Variants in GMEB2 observed in about 807,000 individuals in gnomAD.
GMEB2 encodes glucocorticoid modulatory element-binding protein 2.
GMEB2 carries 7 observed loss-of-function variants against 45.7 expected under a neutral mutation model. The observed-to-expected ratio is 0.15, with a 90% CI of 0.09 to 0.29. The LOEUF (loss-of-function observed/expected upper bound fraction) is 0.29, where lower values mean the gene tolerates loss of function less well. Among genes scored for constraint, GMEB2 ranks in the 10% least tolerant of loss-of-function variants. The pLI is 1.00. For synonymous variants in GMEB2, 322 were observed against 323.6 expected (o/e 1.00, Z 0.05); for missense variants, 582 against 739.2 (o/e 0.79, Z 2.47).
rs552138729 is a variant in GMEB2 at position 63,606,181 on chromosome 20, T to C, written c.132-1341A>G. On this transcript the variant is annotated intron_variant, in intron 2 of 9. Coordinates refer to ENST00000370077, the MANE Select transcript of GMEB2 (RefSeq NM_012384.5). ...AAATTGTAGACAAAAGGGTAAAAGA[T>C]GAAACCATAAAAGTATTAGAAGGAA... Among the ~76,000 whole-genome samples the C allele has an allele frequency of 2.0e-5, 3 of 152,196 alleles. No individual in the cohort carries two copies. The South Asian group carries it at 6.2e-4, about 32-fold the overall frequency.
Position 63,597,739 on chromosome 20 carries a change from CCCTGCGCCAGCGCCCA to C in GMEB2, c.461+2_461+17del. 7.0e-7 allele frequency: 1 copy of C among 1,418,558 alleles called. No individual in the cohort carries two copies. The highest frequency in any genetic ancestry group is 1.0e-6 in the Non-Finnish European group (1 of 1,001,728). The allele number at this position is 1,418,558 out of a possible 1,614,324, so 87.9% of individuals were successfully genotyped here. A position where few individuals can be genotyped will look rare whatever the true frequency, so the allele number is the denominator to read the frequency against. ...GGGCCCCTTCCAGCAGGGAGGCTGACCCTGCGCCAGCGCCCACCTGAGCATGATGCCGTTCATGCGG... is the reference window on the plus strand; with the variant it reads ...GGGCCCCTTCCAGCAGGGAGGCTGACCCTGAGCATGATGCCGTTCATGCGG... On this transcript the variant is annotated splice_donor_variant and splice_donor_5th_base_variant and intron_variant, in intron 5 of 9. Coordinates refer to ENST00000370077, the MANE Select transcript of GMEB2 (RefSeq NM_012384.5). LOFTEE classifies it high-confidence loss of function.
In GMEB2 at chr20:63,590,058, G is replaced by A; in HGVS notation, c.*31C>T. 1.3e-6 allele frequency: 2 copies of A among 1,489,290 alleles called. No individual in the cohort carries two copies. Among genetic ancestry groups the A allele is most frequent in the Non-Finnish European group, 8.9e-7 (1 of 1,123,064 alleles). The allele number at this position is 1,489,290 out of a possible 1,614,324, so 92.3% of individuals were successfully genotyped here. On this transcript the variant is annotated 3_prime_UTR_variant, in exon 10 of 10. Transcript: ENST00000370077. ...CCGCGGCTGAGAGACAGCCAGCCCT[G>A]TCCGTCCCAGGGGCCTCGCCCTCCT... is the stretch of plus-strand genomic sequence containing the variant.
chr20:63,590,464 C>T lies in GMEB2; in HGVS notation c.1218G>A (p.Pro406=), dbSNP rs368204390. Residue 406 remains proline, a synonymous_variant, in exon 10 of 10, where the codon CCG becomes CCA. Transcript: ENST00000370077. ...VPLGKVVSTL[P]STVLGKGSLQ... is the part of the protein sequence containing the mutation. Reference sequence around the variant, plus strand: ...GGGAACCCTTGCCCAGGACGGTGGACGGCAGGGTGGACACCACTTTACCAA... The same window carrying T: ...GGGAACCCTTGCCCAGGACGGTGGATGGCAGGGTGGACACCACTTTACCAA... The T allele has an allele frequency of 1.5e-5, 22 of 1,514,004 alleles. No individual in the cohort carries two copies. The highest frequency in any genetic ancestry group is 1.7e-5 in the Non-Finnish European group (19 of 1,125,114). The allele number at this position is 1,514,004 out of a possible 1,614,324, so 93.8% of individuals were successfully genotyped here. A position where few individuals can be genotyped will look rare whatever the true frequency, so the allele number is the denominator to read the frequency against.
intron 2 of GMEB2, among the ~76,000 whole-genome samples, chr20:63,609,471 A>G (rs544454242): frequency 9.6e-4 from 60 of 62,446 alleles, no homozygotes; most frequent in South Asian, 7.4e-3. Context: ...TTCTAGAAAC[A>G]TGTCCCTCTG....
chr20:63,601,877 C>T (rs1410153060), intron 4 of GMEB2, among the ~76,000 whole-genome samples: 1 of 131,304 alleles, frequency 7.6e-6, no homozygotes, highest in African/African-American at 3.0e-5. Context: ...GGCTTCCGTG[C>T]TGCCTGTGGC....
intron 9 of GMEB2, 92 bp downstream of exon 9, chr20:63,591,930 T>A: frequency 1.8e-6 from 2 of 1,113,690 alleles, no homozygotes; most frequent in Non-Finnish European, 1.3e-6. Flanking sequence ...CTCCAGGAAG[T>A]GCAGGTGGAT....
intron 2 of GMEB2, among the ~76,000 whole-genome samples, chr20:63,617,592 C>T (rs895680014): frequency 6.6e-6 from 1 of 151,712 alleles, no homozygotes; most frequent in African/African-American, 2.4e-5. Context: ...CAGACCACCC[C>T]GGCAGCCGCG....
intron 4 of GMEB2, among the ~76,000 whole-genome samples, chr20:63,600,296 C>T (rs1311664876): frequency 2.0e-5 from 3 of 151,796 alleles, no homozygotes; most frequent in African/African-American, 7.2e-5. Flanking sequence ...TCACCCGCCT[C>T]GGCCTCCCAA....
chr20:63,613,093 C>A (rs1272030321), intron 2 of GMEB2, among the ~76,000 whole-genome samples: 1 of 152,098 alleles, frequency 6.6e-6, no homozygotes, highest in Non-Finnish European at 1.5e-5. Context: ...TCCTGAGTAA[C>A]TGGGACTACA....
At chr20:63,615,745 G>GTTCGC (rs1429028542) in intron 2 of GMEB2, among the ~76,000 whole-genome samples, 1 of 152,240 alleles carries the variant, frequency 6.6e-6, no homozygotes, top group Non-Finnish European at 1.5e-5. Flanking sequence ...GTACAGTGGG[G>GTTCGC]TCTCATGCTG....
At chr20:63,606,658 T>C (rs902438543) in intron 2 of GMEB2, among the ~76,000 whole-genome samples, 1 of 152,156 alleles carries the variant, frequency 6.6e-6, no homozygotes, top group South Asian at 2.1e-4. Flanking sequence ...CCACAAACAA[T>C]TTTTTAAGAA....
Position 63,588,007 on chromosome 20 carries a change from G to C in GMEB2, c.*2082C>G, listed in dbSNP as rs1229526617. On this transcript the variant is annotated 3_prime_UTR_variant, in exon 10 of 10. Transcript: ENST00000370077. ...GGGCCCTTCCCCACGCTGGGGCTTGGAGCCCCTGCCAGAAGCAGCTGGGTT... is the reference window on the plus strand; with the variant it reads ...GGGCCCTTCCCCACGCTGGGGCTTGCAGCCCCTGCCAGAAGCAGCTGGGTT... 4 of 152,446 alleles carry C rather than the reference G, an allele frequency of 2.6e-5. No homozygotes were observed. Among genetic ancestry groups the C allele is most frequent in the African/African-American group, 9.6e-5 (4 of 41,480 alleles). The allele number at this position is 152,446 out of a possible 1,614,324, so 9.4% of individuals were successfully genotyped here.
At chr20:63,624,718 CT>C (rs1386500063) in intron 1 of GMEB2, among the ~76,000 whole-genome samples, 1 of 152,036 alleles carries the variant, frequency 6.6e-6, no homozygotes, top group East Asian at 1.9e-4. Context: ...TACATATATT[CT>C]TTTTTTGAGA....
At chr20:63,615,404 A>G (rs1182740093) in intron 2 of GMEB2, among the ~76,000 whole-genome samples, 3 of 152,018 alleles carry the variant, frequency 2.0e-5, no homozygotes, top group African/African-American at 7.2e-5. Flanking sequence ...GGCTCACTGC[A>G]GCCTCAACCT....
intron 2 of GMEB2, among the ~76,000 whole-genome samples, chr20:63,606,833 C>T (rs1448398988): frequency 6.6e-6 from 1 of 152,226 alleles, no homozygotes; most frequent in African/African-American, 2.4e-5. Context: ...CCTGGAAAGA[C>T]ACTCATGACA....
intron 2 of GMEB2, among the ~76,000 whole-genome samples, chr20:63,612,296 T>A (rs758423307): frequency 6.6e-5 from 10 of 152,218 alleles, no homozygotes; most frequent in Non-Finnish European, 1.3e-4. Context: ...CCATCTTGGA[T>A]CAGTGAGGTG....
chr20:63,606,292 G>T (rs2089518374), intron 2 of GMEB2, among the ~76,000 whole-genome samples: 1 of 150,940 alleles, frequency 6.6e-6, no homozygotes, highest in East Asian at 1.9e-4. Context: ...AGATAACTTT[G>T]CCTTAAAAAA....
At chr20:63,590,822 G>T in intron 9 of GMEB2, 93 bp from the exon 10 acceptor site, 1 of 817,430 alleles carries the variant, frequency 1.2e-6, no homozygotes. Flanking sequence ...CCATCTGGGT[G>T]GCCCCTGGGT....
chr20:63,614,058 T>C lies in GMEB2; in HGVS notation c.131+5209A>G, dbSNP rs539705778. Among the ~76,000 whole-genome samples the C allele has an allele frequency of 1.6e-4, 25 of 152,138 alleles. No individual in the cohort carries two copies. The South Asian group carries it at 2.5e-3, about 15-fold the overall frequency. On this transcript the variant is annotated intron_variant, in intron 2 of 9. Transcript: ENST00000370077. ...ACTGGGCAACACCCACTCCATCAGA[T>C]GGACCCTGGTATGGGCGGCAAGCCA...
Sources: allele counts gnomAD v4.1 joint callset (sites outside exome capture counted in the v4.1 genomes callset), GRCh38; gene constraint gnomAD v4.1.1; transcripts MANE v1.5; gene names NCBI Gene and HGNC (gene_info 2026-07-23, HGNC 2026-07-21).